Variants in MTOR observed in about 807,000 individuals in gnomAD.
The protein encoded by MTOR is serine/threonine-protein kinase mTOR.
A neutral mutation model predicts 319.8 loss-of-function variants in MTOR; 70 were observed. That is an observed-to-expected ratio of 0.22 (90% CI 0.18 to 0.27). The LOEUF is 0.27. Ranked by LOEUF, MTOR falls within the 10% of genes least tolerant of loss-of-function variation. The pLI, the probability that MTOR is intolerant of heterozygous loss-of-function variation, is 1.00. For missense variants in MTOR, 1,890 were observed against 3,274.4 expected, an observed-to-expected ratio of 0.58 and a Z score of 10.32; for synonymous variants, 1,183 against 1,211.4, an observed-to-expected ratio of 0.98 and a Z score of 0.49.
intron 28 of MTOR, among the ~76,000 whole-genome samples, chr1:11,182,756 C>T (rs1373898310): frequency 6.6e-6 from 1 of 152,218 alleles, no homozygotes; most frequent in Non-Finnish European, 1.5e-5. Flanking sequence ...AAACATTCAA[C>T]ACTATGTTTG....
At position 11,259,272 on chromosome 1, in the gene MTOR, G is replaced by A. The variant is rs1326881059; in HGVS notation, c.138C>T (p.His46=). Residue 46 remains histidine, a synonymous_variant, in exon 2 of 58, where the codon CAC becomes CAT. Transcript: ENST00000361445. ...CCTCTCGGAGTTCCATGGTGACATA[G>A]TGCTGGAGCTCCTTGGCGGCTTTGG... ...TRAKAAKELQ[H]YVTMELREMS... 3 of 1,614,006 alleles carry A rather than the reference G, an allele frequency of 1.9e-6. No individual in the cohort carries two copies. Among genetic ancestry groups the A allele is most frequent in the Non-Finnish European group, 1.7e-6 (2 of 1,179,960 alleles).
chr1:11,124,338 T>C (rs1642704973), intron 47 of MTOR, among the ~76,000 whole-genome samples, 160 bp downstream of exon 47: 1 of 152,194 alleles, frequency 6.6e-6, no homozygotes, highest in African/African-American at 2.4e-5. Flanking sequence ...TCCCCCTGCC[T>C]CAACCTCTGG....
intron 28 of MTOR, among the ~76,000 whole-genome samples, chr1:11,176,653 T>C (rs1645002844): frequency 6.6e-6 from 1 of 152,206 alleles, no homozygotes; most frequent in African/African-American, 2.4e-5. Context: ...TGAAGTGGCC[T>C]GACCAGCCAC....
At chr1:11,123,459 C>T (rs1476804463) in intron 47 of MTOR, among the ~76,000 whole-genome samples, 1 of 145,268 alleles carries the variant, frequency 6.9e-6, no homozygotes, top group Non-Finnish European at 1.5e-5. Context: ...GCGTGAGTCA[C>T]TGTGCCCAGC....
In MTOR at chr1:11,130,615, T is replaced by C. The variant is rs773673257; in HGVS notation, c.5527A>G (p.Ser1843Gly). The C allele has an allele frequency of 7.4e-6, 12 of 1,613,884 alleles. No individual in the cohort carries two copies. In the South Asian group the frequency reaches 1.1e-4, roughly 15 times the overall value. The change falls in exon 39 of 58, where the codon AGC becomes GGC. Residue 1843 changes from serine (S) to glycine (G), a missense_variant. Coordinates refer to ENST00000361445, the MANE Select transcript of MTOR (RefSeq NM_004958.4). ...CTCTCACTGTTGCTGCCCTCGGTGC[T>C]GGCAGTGGTGGTGGCAGTGGCGGCC... ...TTAATATTTASTEGSNSESEA... is the reference protein window; with the variant it reads ...TTAATATTTAGTEGSNSESEA...
chr1:11,168,674 G>A (rs1644720562), intron 28 of MTOR, among the ~76,000 whole-genome samples: 1 of 152,198 alleles, frequency 6.6e-6, no homozygotes, highest in Non-Finnish European at 1.5e-5. Context: ...ACCCTGCTCT[G>A]CTGATGCCAT....
intron 36 of MTOR, chr1:11,139,098 G>T: frequency 1.6e-6 from 1 of 607,826 alleles, no homozygotes; most frequent in Non-Finnish European, 2.8e-6. Context: ...TCATTGGTTT[G>T]ATCAATGGTA....
chr1:11,189,399 CAG>C, intron 28 of MTOR: 1 of 758,594 alleles, frequency 1.3e-6, no homozygotes, highest in Non-Finnish European at 2.1e-6. Flanking sequence ...GCTCCCCTGT[CAG>C]AGACTCAAGC....
intron 1 of MTOR, among the ~76,000 whole-genome samples, chr1:11,261,312 A>AC (rs1369977741): frequency 1.3e-5 from 2 of 151,266 alleles, no homozygotes; most frequent in African/African-American, 4.9e-5. Flanking sequence ...AAAAATACAA[A>AC]AAAAAAAAAA....
chr1:11,110,785 G>A (rs771177415), intron 54 of MTOR, among the ~76,000 whole-genome samples: 2 of 152,026 alleles, frequency 1.3e-5, no homozygotes, highest in Non-Finnish European at 2.9e-5. Flanking sequence ...TCAAACTCCT[G>A]GGCTCAAGTG....
intron 6 of MTOR, among the ~76,000 whole-genome samples, chr1:11,251,790 C>A (rs1342142146): frequency 3.3e-5 from 5 of 151,614 alleles, no homozygotes; most frequent in Non-Finnish European, 1.5e-5. Flanking sequence ...CCATGCCCAG[C>A]CTTGGATAGT....
chr1:11,232,475 CATG>C lies in MTOR; in HGVS notation c.2472_2474del (p.Ile824del). ...ACAAAGAGGAATCCTGGAGCATGTC[CATG>C]ATGATAATAAAAAGTTCATCAACCC... On this transcript the variant is annotated inframe_deletion, in exon 16 of 58. Coordinates refer to ENST00000361445, the MANE Select transcript of MTOR (RefSeq NM_004958.4). The C allele has an allele frequency of 6.2e-7, 1 of 1,613,976 alleles. No homozygotes were observed. The highest frequency in any genetic ancestry group is 8.5e-7 in the Non-Finnish European group (1 of 1,179,924).
chr1:11,213,011 G>A, intron 21 of MTOR, 103 bp from the exon 22 acceptor site: 4 of 825,648 alleles, frequency 4.8e-6, no homozygotes, highest in South Asian at 1.6e-5. Context: ...TCTGGGGACT[G>A]GGAAAACTCT....
chr1:11,259,143 C>CT, intron 2 of MTOR, 105 bp downstream of exon 2: 1 of 1,416,500 alleles, frequency 7.1e-7, no homozygotes, highest in Non-Finnish European at 9.5e-7. Context: ...AAAATAATCT[C>CT]TGTTTTCCAA....
chr1:11,164,173 T>A (rs1263233605), intron 29 of MTOR, among the ~76,000 whole-genome samples: 1 of 151,096 alleles, frequency 6.6e-6, no homozygotes, highest in African/African-American at 2.4e-5. Context: ...TGAAACCCCA[T>A]CTCTATAAAA....
chr1:11,201,357 C>T (rs1645963516), intron 26 of MTOR, among the ~76,000 whole-genome samples: 1 of 152,080 alleles, frequency 6.6e-6, no homozygotes, highest in African/African-American at 2.4e-5. Context: ...CTCCACACTA[C>T]GGAAACAGGG....
At chr1:11,134,512 G>C (rs1003502481) in intron 36 of MTOR, 46 bp from the exon 37 acceptor site, 33 of 1,554,206 alleles carry the variant, frequency 2.1e-5, no homozygotes, top group Non-Finnish European at 2.8e-5. Context: ...TTGTGGCCCA[G>C]CTTCAGAGGA....
chr1:11,215,450 G>T (rs2100804098), intron 20 of MTOR, among the ~76,000 whole-genome samples: 1 of 152,294 alleles, frequency 6.6e-6, no homozygotes, highest in South Asian at 2.1e-4. Context: ...AAATAGTCCA[G>T]CCATTTTGAT....
Position 11,134,338 on chromosome 1 carries a change from G to A in MTOR, c.5246+13C>T. The A allele has an allele frequency of 6.2e-7, 1 of 1,611,258 alleles. No homozygotes were observed. Among genetic ancestry groups the A allele is most frequent in the East Asian group, 2.2e-5 (1 of 44,870 alleles). On this transcript the variant is annotated intron_variant, in intron 37 of 57. Coordinates refer to ENST00000361445, the MANE Select transcript of MTOR (RefSeq NM_004958.4). Reference sequence around the variant, plus strand: ...CTGGAATATGACTTGCCCCAGGTCAGTGGGGACCTCACCGGGCCATGAGCT... The same window carrying A: ...CTGGAATATGACTTGCCCCAGGTCAATGGGGACCTCACCGGGCCATGAGCT...
Sources: gnomAD v4.1 joint callset for allele counts (sites outside exome capture counted in the v4.1 genomes callset) on GRCh38, gnomAD v4.1.1 for gene constraint, MANE v1.5 for transcripts, NCBI Gene and HGNC (gene_info 2026-07-23, HGNC 2026-07-21) for gene names.